Variants in FNDC3B observed in about 807,000 individuals in gnomAD.
FNDC3B encodes fibronectin type III domain containing 3B.
Under a neutral mutation model 151.5 loss-of-function variants are expected in FNDC3B, and 12 were observed. The ratio of observed to expected loss-of-function variants is 0.08; its 90% CI spans 0.05 to 0.13. The LOEUF is 0.13. Among genes scored for constraint, FNDC3B ranks in the 10% least tolerant of loss-of-function variants. The pLI, the probability that FNDC3B is intolerant of heterozygous loss-of-function variation, is 1.00. For missense variants in FNDC3B, 1,214 were observed against 1,505.3 expected, an observed-to-expected ratio of 0.81 and a Z score of 3.20; for synonymous variants, 528 against 549.0, an observed-to-expected ratio of 0.96 and a Z score of 0.54.
intron 9 of FNDC3B, among the ~76,000 whole-genome samples, chr3:172,304,479 A>G (rs1471717936): frequency 6.6e-6 from 1 of 152,244 alleles, no homozygotes; most frequent in African/African-American, 2.4e-5. Context: ...GGTCAGCTGA[A>G]AAGCAGTCTC....
At chr3:172,340,325 G>T (rs643660) in intron 16 of FNDC3B, among the ~76,000 whole-genome samples, 101,258 of 147,270 alleles carry the variant, frequency 0.69, 34,777 homozygotes, top group East Asian at 0.82. Flanking sequence ...TCACTCTGTC[G>T]CCCAGGCTGG....
chr3:172,276,828 A>T (rs899772502), intron 6 of FNDC3B, among the ~76,000 whole-genome samples: 3 of 152,240 alleles, frequency 2.0e-5, no homozygotes, highest in Non-Finnish European at 4.4e-5. Flanking sequence ...TGTCAACTTT[A>T]TAAAAAGTAT....
chr3:172,097,362 G>A (rs1559964218), intron 1 of FNDC3B, among the ~76,000 whole-genome samples: 1 of 152,158 alleles, frequency 6.6e-6, no homozygotes. Flanking sequence ...CCATTGTTGT[G>A]TCCCACAGCC....
At chr3:172,196,367 G>A (rs1404937662) in intron 3 of FNDC3B, among the ~76,000 whole-genome samples, 2 of 149,946 alleles carry the variant, frequency 1.3e-5, no homozygotes, top group Non-Finnish European at 3.0e-5. Flanking sequence ...TTTTTTTTTT[G>A]TAGGGATGGG....
intron 5 of FNDC3B, among the ~76,000 whole-genome samples, chr3:172,248,802 G>A (rs1021860216): frequency 2.0e-5 from 3 of 149,372 alleles, no homozygotes; most frequent in African/African-American, 7.4e-5. Flanking sequence ...ACTTTTTTGA[G>A]ATGATATTTT....
At chr3:172,393,302 A>G (rs942517086) in intron 25 of FNDC3B, among the ~76,000 whole-genome samples, 9 of 152,242 alleles carry the variant, frequency 5.9e-5, no homozygotes, top group Non-Finnish European at 1.2e-4. Context: ...TTATATAATG[A>G]TAAGAGCATC....
At chr3:172,382,029 C>A (rs1735469741) in intron 25 of FNDC3B, among the ~76,000 whole-genome samples, 1 of 152,154 alleles carries the variant, frequency 6.6e-6, no homozygotes, top group Non-Finnish European at 1.5e-5. Context: ...GGTTCTAGAT[C>A]CTTGAGGAAT....
chr3:172,058,019 C>G (rs952346864), intron 1 of FNDC3B, among the ~76,000 whole-genome samples: 1 of 151,956 alleles, frequency 6.6e-6, no homozygotes, highest in African/African-American at 2.4e-5. Context: ...ACATTTGGCC[C>G]TAATCCACAC....
intron 3 of FNDC3B, among the ~76,000 whole-genome samples, chr3:172,176,092 G>A (rs1723579989): frequency 1.3e-5 from 2 of 152,198 alleles, no homozygotes; most frequent in African/African-American, 2.4e-5. Flanking sequence ...TTCCAAGCCA[G>A]GTAATGGGTT....
rs565080905 is a variant in FNDC3B, at chr3:172,261,467, A to G, written c.790+9926A>G. ...TATTGTAATGTGATAATTATAGTCT[A>G]TACTACAAATATGTTCATTATTCTT... is the stretch of plus-strand genomic sequence containing the variant. On this transcript the variant is annotated intron_variant, in intron 6 of 25. Transcript: ENST00000415807. 4.2e-4 allele frequency among the ~76,000 whole-genome samples: 64 copies of G among 152,342 alleles called. No homozygotes were observed. The Middle Eastern group carries it at 0.01, about 24-fold the overall frequency.
At chr3:172,326,990 G>T (rs1732387535) in intron 11 of FNDC3B, among the ~76,000 whole-genome samples, 1 of 152,168 alleles carries the variant, frequency 6.6e-6, no homozygotes, top group Admixed American at 6.5e-5. Flanking sequence ...AATAGAGGAG[G>T]AAAGAAGGTA....
intron 2 of FNDC3B, 49 bp downstream of exon 2, chr3:172,112,639 C>G: frequency 8.6e-7 from 1 of 1,163,654 alleles, no homozygotes; most frequent in South Asian, 1.2e-5. Flanking sequence ...AAGTGGGAAA[C>G]AGTAACACAG....
Position 172,366,628 on chromosome 3 carries a change from A to AC in FNDC3B, c.3008+3783_3008+3784insC, listed in dbSNP as rs1734633601. On this transcript the variant is annotated intron_variant, in intron 23 of 25. Transcript: ENST00000415807. Reference sequence around the variant, plus strand: ...TTAAGGAACTCACAGTCTGGTGGGTAATGGTAGAACACAGATGCTTTAAAG... The same window carrying AC: ...TTAAGGAACTCACAGTCTGGTGGGTACATGGTAGAACACAGATGCTTTAAAG... Among the ~76,000 whole-genome samples, 3 of 152,354 alleles carry AC rather than the reference A, an allele frequency of 2.0e-5. No individual in the cohort carries two copies. In the South Asian group the frequency reaches 6.2e-4, roughly 32 times the overall value.
At position 172,101,251 on chromosome 3, in the gene FNDC3B, C is replaced by T. The variant is rs559226722; in HGVS notation, c.-28-11201C>T. On this transcript the variant is annotated intron_variant, in intron 1 of 25. Coordinates refer to ENST00000415807, the MANE Select transcript of FNDC3B (RefSeq NM_022763.4). ...AGAAAAGAGGCCACAGCTGGGAAAC[C>T]AAATTTAGACATTGGGGCTTATCTC... is the stretch of plus-strand genomic sequence containing the variant. Among the ~76,000 whole-genome samples, 29 of 152,290 alleles carry T rather than the reference C, an allele frequency of 1.9e-4. No homozygotes were observed. The Middle Eastern group carries it at 0.01, about 54-fold the overall frequency.
chr3:172,290,781 C>T (rs1448849337), intron 7 of FNDC3B, among the ~76,000 whole-genome samples: 1 of 152,194 alleles, frequency 6.6e-6, no homozygotes, highest in East Asian at 1.9e-4. Flanking sequence ...CTGTGAAATT[C>T]TTAGATTTCA....
intron 23 of FNDC3B, among the ~76,000 whole-genome samples, chr3:172,371,296 CA>C (rs1197101666): frequency 1.3e-5 from 2 of 152,034 alleles, no homozygotes; most frequent in East Asian, 1.9e-4. Flanking sequence ...ATAATAAGAA[CA>C]AAAAAAGCAG....
intron 1 of FNDC3B, among the ~76,000 whole-genome samples, chr3:172,106,686 A>G (rs1431474113): frequency 6.6e-6 from 1 of 152,190 alleles, no homozygotes; most frequent in Non-Finnish European, 1.5e-5. Context: ...TTTAAGTTAG[A>G]CATTCTTCCT....
chr3:172,273,379 C>T (rs189936011), intron 6 of FNDC3B, among the ~76,000 whole-genome samples: 53 of 152,244 alleles, frequency 3.5e-4, no homozygotes, highest in African/African-American at 1.2e-3. Context: ...AAAAAGTCCC[C>T]TAAAGCCACC....
intron 6 of FNDC3B, among the ~76,000 whole-genome samples, chr3:172,264,867 A>C (rs929479137): frequency 9.2e-5 from 14 of 152,224 alleles, no homozygotes; most frequent in African/African-American, 3.1e-4. Context: ...CAGATAAGCT[A>C]ACTGCCCTTC....
Sources: allele counts gnomAD v4.1 joint callset (sites outside exome capture counted in the v4.1 genomes callset), GRCh38; gene constraint gnomAD v4.1.1; transcripts MANE v1.5; gene names NCBI Gene and HGNC (gene_info 2026-07-23, HGNC 2026-07-21).